Variants in PITPNB observed in about 807,000 individuals in gnomAD.
PITPNB encodes phosphatidylinositol transfer protein beta isoform.
In PITPNB, 16 loss-of-function variants were observed where a neutral mutation model predicts 45.9. The observed-to-expected ratio is 0.35, with a 90% CI of 0.24 to 0.53. The LOEUF (loss-of-function observed/expected upper bound fraction) is 0.53, where lower values mean the gene tolerates loss of function less well. PITPNB is among the 20% of genes least tolerant of loss of function. PITPNB has a pLI of 0.93. For synonymous variants in PITPNB, 112 were observed against 108.9 expected (o/e 1.03, Z -0.18); for missense variants, 188 against 330.5 (o/e 0.57, Z 3.34).
At chr22:27,880,160 T>C in intron 7 of PITPNB, among the ~76,000 whole-genome samples, 1 of 152,042 alleles carries the variant, frequency 6.6e-6, no homozygotes, top group East Asian at 1.9e-4. Flanking sequence ...GAGTCCACCA[T>C]CACTGAGCAG....
intron 6 of PITPNB, among the ~76,000 whole-genome samples, chr22:27,895,589 C>T (rs1339887959): frequency 8.0e-6 from 1 of 124,664 alleles, no homozygotes; most frequent in Non-Finnish European, 1.7e-5. Context: ...GACTCTGTCT[C>T]AAAAAAAAAA....
intron 7 of PITPNB, among the ~76,000 whole-genome samples, chr22:27,874,065 A>G (rs1248402245): frequency 6.6e-6 from 1 of 152,260 alleles, no homozygotes; most frequent in Non-Finnish European, 1.5e-5. Flanking sequence ...CTAGCAATCC[A>G]TTCTGACTGG....
At chr22:27,855,454 T>C (rs918356025) in intron 10 of PITPNB, among the ~76,000 whole-genome samples, 9 of 152,074 alleles carry the variant, frequency 5.9e-5, no homozygotes, top group African/African-American at 2.2e-4. Flanking sequence ...AAACAATGTA[T>C]GGCAAACCAT....
intron 8 of PITPNB, among the ~76,000 whole-genome samples, chr22:27,862,651 G>A (rs1934373251): frequency 6.6e-6 from 1 of 152,118 alleles, no homozygotes; most frequent in Non-Finnish European, 1.5e-5. Flanking sequence ...GGATGTATGT[G>A]TATGTGTATA....
At position 27,897,149 on chromosome 22, in the gene PITPNB, T is replaced by C. The variant is rs1372531233; in HGVS notation, c.290-12A>G. 6.4e-7 allele frequency: 1 copy of C among 1,565,920 alleles called. No individual in the cohort carries two copies. Among genetic ancestry groups the C allele is most frequent in the Non-Finnish European group, 8.8e-7 (1 of 1,136,028 alleles). ...ACTCACCGTTACAACTGAGGCATAA[T>C]GGAGAGGTAGGTAATGAAAGGAGAA... On this transcript the variant is annotated splice_polypyrimidine_tract_variant and intron_variant, in intron 4 of 11. Coordinates refer to ENST00000335272, the MANE Select transcript of PITPNB (RefSeq NM_012399.5).
chr22:27,852,718 C>T lies in PITPNB; in HGVS notation c.*984G>A, dbSNP rs1934055283. 6.6e-6 allele frequency: 1 copy of T among 152,586 alleles called. No individual in the cohort carries two copies. The highest frequency in any genetic ancestry group is 6.5e-5 in the Admixed American group (1 of 15,280). 9.5% of individuals were successfully genotyped at this position (152,586 alleles called of 1,614,324 possible). ...CTAGACCATTTGCATAGTTTCCAAG[C>T]TGTAGTTACAGAAAACTGTCATCTT... On this transcript the variant is annotated 3_prime_UTR_variant, in exon 12 of 12. Transcript: ENST00000335272.
intron 7 of PITPNB, among the ~76,000 whole-genome samples, chr22:27,878,908 T>A (rs1210290746): frequency 2.0e-5 from 3 of 152,220 alleles, no homozygotes; most frequent in Non-Finnish European, 4.4e-5. Flanking sequence ...TAAAAAATAT[T>A]CTATAATTCA....
chr22:27,906,699 T>C (rs549140147), intron 3 of PITPNB, among the ~76,000 whole-genome samples: 7 of 152,244 alleles, frequency 4.6e-5, no homozygotes, highest in African/African-American at 1.7e-4. Context: ...ACAGTAAAAA[T>C]ACATAAGTAC....
In PITPNB at chr22:27,897,034, G is replaced by A. The variant is rs370499747; in HGVS notation, c.297+96C>T. The A allele has an allele frequency of 4.5e-4, 385 of 864,138 alleles. 3 individuals are homozygous for A. Among genetic ancestry groups the A allele is most frequent in the Middle Eastern group, 3.0e-3 (14 of 4,598 alleles). The allele number at this position is 864,138 out of a possible 1,614,324, so 53.5% of individuals were successfully genotyped here. A position where few individuals can be genotyped will look rare whatever the true frequency, so the allele number is the denominator to read the frequency against. ...GGGACACAGGAAGGAACCATGCAGC[G>A]AGGTGCAGTTAGCAAAGAATGGTTG... is the stretch of plus-strand genomic sequence containing the variant. On this transcript the variant is annotated intron_variant, in intron 5 of 11. Coordinates refer to ENST00000335272, the MANE Select transcript of PITPNB (RefSeq NM_012399.5).
At chr22:27,884,926 T>A (rs933717781) in intron 7 of PITPNB, among the ~76,000 whole-genome samples, 2 of 151,948 alleles carry the variant, frequency 1.3e-5, no homozygotes, top group African/African-American at 4.8e-5. Flanking sequence ...ACAAATAAAG[T>A]CACATAGTAT....
intron 5 of PITPNB, 53 bp from the exon 6 acceptor site, chr22:27,896,679 G>T: frequency 8.2e-7 from 1 of 1,226,532 alleles, no homozygotes; most frequent in Non-Finnish European, 1.2e-6. Context: ...GTTCCTTGGT[G>T]CCCACGTCTG....
chr22:27,851,958 A>G lies in PITPNB; in HGVS notation c.*1744T>C, dbSNP rs1449350829. On this transcript the variant is annotated 3_prime_UTR_variant, in exon 12 of 12. Coordinates refer to ENST00000335272, the MANE Select transcript of PITPNB (RefSeq NM_012399.5). The stretch of plus-strand genomic sequence containing the variant: ...AGCAATAATCTTCCTCGCACCAAAC[A>G]CTTTGCAGACAATGATTATGCTCTG... 1.8e-4 allele frequency: 28 copies of G among 152,272 alleles called. No homozygotes were observed. The highest frequency in any genetic ancestry group is 1.6e-3 in the Admixed American group (25 of 15,294). The allele number at this position is 152,272 out of a possible 1,614,324, so 9.4% of individuals were successfully genotyped here.
At chr22:27,876,500 TTC>T (rs1418490048) in intron 7 of PITPNB, among the ~76,000 whole-genome samples, 2 of 152,186 alleles carry the variant, frequency 1.3e-5, no homozygotes, top group Non-Finnish European at 1.5e-5. Context: ...ACCCAGGAAT[TTC>T]TGTTTTACGT....
chr22:27,903,987 G>A (rs961691006), intron 3 of PITPNB, among the ~76,000 whole-genome samples: 2 of 152,064 alleles, frequency 1.3e-5, no homozygotes, highest in Non-Finnish European at 2.9e-5. Context: ...AAGATAATGA[G>A]GATGTGGAGA....
chr22:27,853,605 ATTC>A lies in PITPNB; in HGVS notation c.*94_*96del. The A allele has an allele frequency of 5.8e-6, 9 of 1,549,374 alleles. 1 individual carries two copies. In the Middle Eastern group the frequency reaches 8.3e-4, roughly 144 times the overall value. On this transcript the variant is annotated 3_prime_UTR_variant, in exon 12 of 12. Coordinates refer to ENST00000335272, the MANE Select transcript of PITPNB (RefSeq NM_012399.5). ...GTCAACACTGCAAGATACTGGTCAGATTCTTCTTCACTCATCACTGGCTGCGCT... is the reference window on the plus strand; with the variant it reads ...GTCAACACTGCAAGATACTGGTCAGATTCTTCACTCATCACTGGCTGCGCT...
At position 27,919,226 on chromosome 22, in the gene PITPNB, C is replaced by CGCTGCCGCCG. The variant is rs1936201761; in HGVS notation, c.-36_-35insCGGCGGCAGC. On this transcript the variant is annotated 5_prime_UTR_variant, in exon 1 of 12. Transcript: ENST00000335272. Reference sequence around the variant, plus strand: ...ACCCCCTCACAGCTGCCGCCGATACCACCGCCGCCGCCGCCGCTACCGCCT... The same window carrying CGCTGCCGCCG: ...ACCCCCTCACAGCTGCCGCCGATACCGCTGCCGCCGACCGCCGCCGCCGCCGCTACCGCCT... 1 of 1,583,080 alleles carries CGCTGCCGCCG rather than the reference C, an allele frequency of 6.3e-7. No individual in the cohort carries two copies. The highest frequency in any genetic ancestry group is 1.3e-5 in the African/African-American group (1 of 74,336).
chr22:27,894,960 C>T (rs1158828025), intron 6 of PITPNB, among the ~76,000 whole-genome samples: 2 of 152,118 alleles, frequency 1.3e-5, no homozygotes, highest in Non-Finnish European at 1.5e-5. Flanking sequence ...AAATGATACA[C>T]AACAAAGTAC....
chr22:27,855,782 C>T (rs1934155266), intron 10 of PITPNB, among the ~76,000 whole-genome samples: 1 of 152,156 alleles, frequency 6.6e-6, no homozygotes, highest in African/African-American at 2.4e-5. Flanking sequence ...AGGGCCAAAA[C>T]CCATTTGAAA....
chr22:27,883,640 G>C (rs1393828660), intron 7 of PITPNB, among the ~76,000 whole-genome samples: 1 of 152,216 alleles, frequency 6.6e-6, no homozygotes, highest in Non-Finnish European at 1.5e-5. Context: ...AGGGACTCAG[G>C]GTTTTGGCTT....
Sources: allele counts gnomAD v4.1 joint callset (sites outside exome capture counted in the v4.1 genomes callset), GRCh38; gene constraint gnomAD v4.1.1; transcripts MANE v1.5; gene names NCBI Gene and HGNC (gene_info 2026-07-23, HGNC 2026-07-21).